Variants in SLC44A5 observed in about 807,000 individuals in gnomAD.
The protein encoded by SLC44A5 is solute carrier family 44 member 5.
In SLC44A5, 57 loss-of-function variants were observed where a neutral mutation model predicts 101.8. That is an observed-to-expected ratio of 0.56 (90% CI 0.45 to 0.70). The LOEUF (loss-of-function observed/expected upper bound fraction) is 0.70, where lower values mean the gene tolerates loss of function less well. SLC44A5 is among the 30% of genes least tolerant of loss of function. The pLI is 0.00. For missense variants in SLC44A5, 737 were observed against 853.1 expected, an observed-to-expected ratio of 0.86 and a Z score of 1.70; for synonymous variants, 281 against 290.9, an observed-to-expected ratio of 0.97 and a Z score of 0.35.
At chr1:75,492,708 A>G (rs1668485852) in intron 2 of SLC44A5, among the ~76,000 whole-genome samples, 1 of 152,236 alleles carries the variant, frequency 6.6e-6, no homozygotes, top group South Asian at 2.1e-4. Context: ...TTAGAATTAA[A>G]GAAGGGCCAT....
At chr1:75,211,609 T>G in intron 22 of SLC44A5, 57 bp from the exon 23 acceptor site, 2 of 1,251,474 alleles carry the variant, frequency 1.6e-6, no homozygotes, top group Admixed American at 1.7e-5. Flanking sequence ...AGAAGAAGAA[T>G]AATGCAGCTA....
At chr1:75,399,826 T>A (rs545344946) in intron 2 of SLC44A5, among the ~76,000 whole-genome samples, 78 of 152,354 alleles carry the variant, frequency 5.1e-4, no homozygotes, top group African/African-American at 1.9e-3. Flanking sequence ...GTAATGCATG[T>A]AAAACTGCTT....
chr1:75,585,214 T>C (rs1294548120), intron 1 of SLC44A5, among the ~76,000 whole-genome samples: 1 of 152,222 alleles, frequency 6.6e-6, no homozygotes, highest in Non-Finnish European at 1.5e-5. Flanking sequence ...ACTTTGTAAA[T>C]ATTAGTTTTC....
chr1:75,235,255 T>TA (rs1408381142), intron 11 of SLC44A5, among the ~76,000 whole-genome samples: 1 of 151,914 alleles, frequency 6.6e-6, no homozygotes, highest in African/African-American at 2.4e-5. Context: ...AAACAAAAAA[T>TA]ACAGCTATTT....
chr1:75,414,473 G>T (rs1375371939), intron 2 of SLC44A5, among the ~76,000 whole-genome samples: 3 of 152,146 alleles, frequency 2.0e-5, no homozygotes, highest in Non-Finnish European at 2.9e-5. Flanking sequence ...CTAGGCACCA[G>T]AGTTAGTAAG....
chr1:75,458,067 AG>A, intron 2 of SLC44A5, among the ~76,000 whole-genome samples: 1 of 152,342 alleles, frequency 6.6e-6, no homozygotes, highest in South Asian at 2.1e-4. Flanking sequence ...TTGTATGATA[AG>A]CTAAGTCATA....
chr1:75,583,696 T>A (rs552931852), intron 1 of SLC44A5, among the ~76,000 whole-genome samples: 1 of 152,324 alleles, frequency 6.6e-6, no homozygotes, highest in East Asian at 1.9e-4. Context: ...CTCAGCTAGA[T>A]GCAAAGGGAA....
intron 3 of SLC44A5, among the ~76,000 whole-genome samples, chr1:75,360,439 G>A (rs1373441501): frequency 6.6e-6 from 1 of 152,096 alleles, no homozygotes; most frequent in Non-Finnish European, 1.5e-5. Context: ...CAAAGTGCTG[G>A]GATTAGAGGT....
At chr1:75,375,954 C>G (rs1448501842) in intron 3 of SLC44A5, among the ~76,000 whole-genome samples, 1 of 152,130 alleles carries the variant, frequency 6.6e-6, no homozygotes, top group Non-Finnish European at 1.5e-5. Flanking sequence ...GAGTGCCAGG[C>G]AGTGGGCGCA....
chr1:75,339,526 C>A, intron 4 of SLC44A5, 56 bp downstream of exon 4: 1 of 1,455,886 alleles, frequency 6.9e-7, no homozygotes, highest in Non-Finnish European at 9.5e-7. Context: ...CCCCCATCCC[C>A]CAAAGCTTTC....
the SLC44A5 span, among the ~76,000 whole-genome samples, chr1:75,628,675 G>A: frequency 1.3e-4 from 20 of 152,246 alleles, no homozygotes; most frequent in East Asian, 3.7e-3. Context: ...AAAGGTTCAT[G>A]TCATAACATT....
the SLC44A5 span, among the ~76,000 whole-genome samples, chr1:75,619,110 A>AAGGG: frequency 7.3e-6 from 1 of 136,740 alleles, no homozygotes; most frequent in African/African-American, 2.7e-5. Flanking sequence ...GGAAGGAAGG[A>AAGGG]AGAAGGGGAG....
At chr1:75,720,143 C>T in the SLC44A5 span, among the ~76,000 whole-genome samples, 1 of 152,176 alleles carries the variant, frequency 6.6e-6, no homozygotes, top group Non-Finnish European at 1.5e-5. Context: ...TCACCCTTTC[C>T]CTGTGGTATA....
chr1:75,495,734 G>A (rs1004644265), intron 2 of SLC44A5, among the ~76,000 whole-genome samples: 35 of 152,062 alleles, frequency 2.3e-4, no homozygotes, highest in African/African-American at 8.4e-4. Context: ...GACAGCTTAA[G>A]GTAATTGTAA....
intron 5 of SLC44A5, among the ~76,000 whole-genome samples, chr1:75,299,809 G>C (rs1466894497): frequency 6.6e-6 from 1 of 150,648 alleles, no homozygotes; most frequent in East Asian, 2.0e-4. Flanking sequence ...AGGAGATCAA[G>C]ACCATCCTGG....
the SLC44A5 span, among the ~76,000 whole-genome samples, chr1:75,682,617 G>A: frequency 0.036 from 5,313 of 149,428 alleles, 133 homozygotes; most frequent in African/African-American, 0.074. Flanking sequence ...AGATGGATTA[G>A]AGACTTAAAC....
chr1:75,426,115 AC>A (rs1403562501), intron 2 of SLC44A5, among the ~76,000 whole-genome samples: 1 of 152,220 alleles, frequency 6.6e-6, no homozygotes, highest in Non-Finnish European at 1.5e-5. Context: ...AAAAAAAGAA[AC>A]GCTGAAAAAT....
intron 2 of SLC44A5, among the ~76,000 whole-genome samples, chr1:75,513,363 T>C (rs1669662819): frequency 1.3e-5 from 2 of 152,222 alleles, no homozygotes; most frequent in South Asian, 2.1e-4. Context: ...AAATTCATAG[T>C]TAGATATTTT....
chr1:75,274,978 G>T lies in SLC44A5; in HGVS notation c.240C>A (p.Gly80=). 6.2e-7 allele frequency: 1 copy of T among 1,612,608 alleles called. No individual in the cohort carries two copies. The change falls in exon 6 of 24, where the codon GGC becomes GGA. Residue 80 remains glycine (G), a synonymous_variant. Coordinates refer to ENST00000370859, the MANE Select transcript of SLC44A5 (RefSeq NM_001130058.2). ...YPTDSQGHFC[G]QKGTPNENKT... ...CTCACTCATTGGGAGTGCCCTTCTG[G>T]CCACAAAAGTGGCCCTGGCTGTCTG...
Sources: gnomAD v4.1 joint callset for allele counts (sites outside exome capture counted in the v4.1 genomes callset) on GRCh38, gnomAD v4.1.1 for gene constraint, MANE v1.5 for transcripts, NCBI Gene and HGNC (gene_info 2026-07-23, HGNC 2026-07-21) for gene names.